The following CDYL2 variants were observed in gnomAD, a reference collection of about 807,000 sequenced individuals.
CDYL2 encodes the protein chromodomain Y-like protein 2.
Under a neutral mutation model 49.4 loss-of-function variants are expected in CDYL2, and 23 were observed. That is an observed-to-expected ratio of 0.47 (90% confidence interval 0.34 to 0.66). The LOEUF (loss-of-function observed/expected upper bound fraction) is 0.66, where lower values mean the gene tolerates loss of function less well. Ranked by LOEUF, CDYL2 falls within the 30% of genes least tolerant of loss-of-function variation. The pLI, the probability that CDYL2 is intolerant of heterozygous loss-of-function variation, is 0.01. For missense variants in CDYL2, 678 were observed against 656.4 expected, an observed-to-expected ratio of 1.03 and a Z score of -0.36; for synonymous variants, 360 against 268.8, an observed-to-expected ratio of 1.34 and a Z score of -3.32.
chr16:80,604,633 C>T lies in CDYL2; in HGVS notation c.1363-87G>A, dbSNP rs533939779. 1.4e-5 allele frequency: 19 copies of T among 1,397,750 alleles called. No homozygotes were observed. The African/African-American group carries it at 2.4e-4, about 18-fold the overall frequency. The allele number at this position is 1,397,750 out of a possible 1,614,324, so 86.6% of individuals were successfully genotyped here. On this transcript the variant is annotated intron_variant, in intron 6 of 6. Coordinates refer to ENST00000570137, the MANE Select transcript of CDYL2 (RefSeq NM_152342.4). ...ACCTGGCCCATGGGGCACTGGCCAA[C>T]CTCCCATACTCACAGCCAGAGAAGG...
At chr16:80,653,576 T>C (rs965144428) in intron 2 of CDYL2, among the ~76,000 whole-genome samples, 1 of 152,220 alleles carries the variant, frequency 6.6e-6, no homozygotes, top group African/African-American at 2.4e-5. Flanking sequence ...TGTGAGTACA[T>C]AATAGGTGTA....
chr16:80,632,847 T>A (rs1907627242), intron 3 of CDYL2, 172 bp downstream of exon 3: 1 of 609,010 alleles, frequency 1.6e-6, no homozygotes, highest in South Asian at 1.9e-5. Context: ...AAAGATCAAA[T>A]GGGATAATGT....
At chr16:80,627,079 G>A (rs1257347279) in intron 3 of CDYL2, among the ~76,000 whole-genome samples, 1 of 152,100 alleles carries the variant, frequency 6.6e-6, no homozygotes, top group East Asian at 1.9e-4. Flanking sequence ...AAACAGGGCT[G>A]GATGTCAATC....
At chr16:80,625,463 C>T (rs1037649385) in intron 3 of CDYL2, among the ~76,000 whole-genome samples, 3 of 152,218 alleles carry the variant, frequency 2.0e-5, no homozygotes, top group Non-Finnish European at 4.4e-5. Context: ...AGCTAACTGG[C>T]ACCCTTAATT....
intron 1 of CDYL2, among the ~76,000 whole-genome samples, chr16:80,735,825 A>G (rs931255411): frequency 6.6e-6 from 1 of 152,234 alleles, no homozygotes; most frequent in African/African-American, 2.4e-5. Flanking sequence ...AGGGAGCTGC[A>G]AACAGCTCCT....
At chr16:80,752,938 A>C (rs1906185895) in intron 1 of CDYL2, among the ~76,000 whole-genome samples, 1 of 152,240 alleles carries the variant, frequency 6.6e-6, no homozygotes, top group Admixed American at 6.5e-5. Flanking sequence ...GCTGAAATGC[A>C]AGAAAGGATG....
chr16:80,691,979 G>A (rs996428658), intron 1 of CDYL2, among the ~76,000 whole-genome samples: 2 of 152,096 alleles, frequency 1.3e-5, no homozygotes, highest in Non-Finnish European at 2.9e-5. Flanking sequence ...CAACATACTC[G>A]AAAAGCTGTC....
intron 2 of CDYL2, among the ~76,000 whole-genome samples, chr16:80,668,716 T>A (rs1040051816): frequency 5.9e-5 from 9 of 151,908 alleles, no homozygotes; most frequent in African/African-American, 2.2e-4. Flanking sequence ...CTGGCCAACA[T>A]GGCAAAACCC....
chr16:80,687,123 G>A (rs1185937678), intron 1 of CDYL2, among the ~76,000 whole-genome samples: 3 of 152,194 alleles, frequency 2.0e-5, no homozygotes, highest in Non-Finnish European at 4.4e-5. Flanking sequence ...ACTCTCTACA[G>A]GTTTACTGAG....
intron 1 of CDYL2, among the ~76,000 whole-genome samples, chr16:80,800,633 C>T (rs1296547136): frequency 1.3e-5 from 2 of 152,010 alleles, no homozygotes; most frequent in Non-Finnish European, 2.9e-5. Context: ...GCCACCCCTA[C>T]ACACGGTTTT....
chr16:80,676,868 T>C (rs1909765208), intron 2 of CDYL2, among the ~76,000 whole-genome samples: 2 of 152,290 alleles, frequency 1.3e-5, no homozygotes, highest in Non-Finnish European at 1.5e-5. Context: ...AGATGATCTA[T>C]TCTAGAACGT....
rs149301400 is a variant in CDYL2, at chr16:80,773,706, C to T, written c.24+30444G>A. Among the ~76,000 whole-genome samples, 66 of 152,082 alleles carry T rather than the reference C, an allele frequency of 4.3e-4. No individual in the cohort carries two copies. The Middle Eastern group carries it at 0.01, about 24-fold the overall frequency. On this transcript the variant is annotated intron_variant, in intron 1 of 6. Transcript: ENST00000570137. ...ATATACGTCGAAACAAAAATGGAAACTAGAAGTGTTTTAAACTCAGTAATC... is the reference window on the plus strand; with the variant it reads ...ATATACGTCGAAACAAAAATGGAAATTAGAAGTGTTTTAAACTCAGTAATC...
intron 1 of CDYL2, among the ~76,000 whole-genome samples, chr16:80,732,623 A>G (rs978041815): frequency 6.6e-6 from 1 of 152,232 alleles, no homozygotes; most frequent in Non-Finnish European, 1.5e-5. Flanking sequence ...TACCATGAGC[A>G]TGTTTTACCT....
At chr16:80,766,270 C>A (rs1597123138) in intron 1 of CDYL2, among the ~76,000 whole-genome samples, 1 of 151,730 alleles carries the variant, frequency 6.6e-6, no homozygotes, top group African/African-American at 2.4e-5. Flanking sequence ...CATCTCAATA[C>A]AACTTTTATT....
intron 1 of CDYL2, among the ~76,000 whole-genome samples, chr16:80,803,004 T>C (rs1160895969): frequency 1.3e-5 from 2 of 152,320 alleles, no homozygotes; most frequent in African/African-American, 2.4e-5. Context: ...GGCTAACCCA[T>C]GCGGCTGGTT....
At chr16:80,766,839 C>G (rs567835982) in intron 1 of CDYL2, among the ~76,000 whole-genome samples, 6 of 152,188 alleles carry the variant, frequency 3.9e-5, no homozygotes, top group Admixed American at 3.9e-4. Flanking sequence ...GCCACACAAT[C>G]CTTGCAGGTG....
chr16:80,625,231 A>G (rs1907249935), intron 3 of CDYL2, among the ~76,000 whole-genome samples: 1 of 152,234 alleles, frequency 6.6e-6, no homozygotes, highest in South Asian at 2.1e-4. Flanking sequence ...CTAAGGGAGA[A>G]TCATTTTCTT....
At chr16:80,605,185 T>C (rs1906275717) in intron 6 of CDYL2, among the ~76,000 whole-genome samples, 1 of 151,860 alleles carries the variant, frequency 6.6e-6, no homozygotes, top group South Asian at 2.1e-4. Flanking sequence ...ATGTAGTAGC[T>C]GCTGTCCACA....
At chr16:80,762,452 C>G (rs966710398) in intron 1 of CDYL2, among the ~76,000 whole-genome samples, 7 of 152,150 alleles carry the variant, frequency 4.6e-5, no homozygotes, top group South Asian at 4.1e-4. Flanking sequence ...AGCCTGAACA[C>G]GGTGGGCAAC....
Sources: gnomAD v4.1 joint callset for allele counts (sites outside exome capture counted in the v4.1 genomes callset) on GRCh38, gnomAD v4.1.1 for gene constraint, MANE v1.5 for transcripts, NCBI Gene and HGNC (gene_info 2026-07-23, HGNC 2026-07-21) for gene names.